Variants in EMC1 observed in about 807,000 individuals in gnomAD.
EMC1 encodes KIAA0090.
EMC1 carries 103 observed loss-of-function variants against 128.8 expected under a neutral mutation model. The ratio of observed to expected loss-of-function variants is 0.80; its 90% CI spans 0.68 to 0.94. The LOEUF is 0.94. Ranked by LOEUF, EMC1 falls within the 40% of genes least tolerant of loss-of-function variation. The pLI, the probability that EMC1 is intolerant of heterozygous loss-of-function variation, is 0.00. For synonymous variants in EMC1, 442 were observed against 490.4 expected (o/e 0.90, Z 1.30); for missense variants, 1,083 against 1,250.6 (o/e 0.87, Z 2.02).
chr1:19,238,196 C>T, intron 10 of EMC1, 57 bp from the exon 11 acceptor site: 3 of 1,591,338 alleles, frequency 1.9e-6, no homozygotes, highest in Non-Finnish European at 2.6e-6. Flanking sequence ...CAAAGCCCAC[C>T]AAAGGAAGTC....
At chr1:19,225,750 T>C (rs1293696956) in intron 18 of EMC1, among the ~76,000 whole-genome samples, 2 of 150,188 alleles carry the variant, frequency 1.3e-5, no homozygotes, top group Non-Finnish European at 3.0e-5. Context: ...GCCCGGGAGG[T>C]CAAAGCTGCA....
rs936657627 is a variant in EMC1 at position 19,242,271 on chromosome 1, G to C, written c.509+74C>G. 1.6e-5 allele frequency: 25 copies of C among 1,543,522 alleles called. No homozygotes were observed. In the East Asian group the frequency reaches 2.7e-4, roughly 17 times the overall value. ...GGCCTGGGTTAAAGCAAATGCTTCGGGTCCCTCGAGGAGAAAGAGGAGCTC... is the reference window on the plus strand; with the variant it reads ...GGCCTGGGTTAAAGCAAATGCTTCGCGTCCCTCGAGGAGAAAGAGGAGCTC... On this transcript the variant is annotated intron_variant, in intron 5 of 22. Transcript: ENST00000477853.
At chr1:19,225,717 G>A (rs2093467597) in intron 18 of EMC1, among the ~76,000 whole-genome samples, 1 of 151,826 alleles carries the variant, frequency 6.6e-6, no homozygotes, top group African/African-American at 2.4e-5. Context: ...TGCTTAGGAG[G>A]CTGAGATGGG....
intron 11 of EMC1, 105 bp from the exon 12 acceptor site, chr1:19,237,343 T>C (rs1178777247): frequency 2.5e-6 from 2 of 790,320 alleles, no homozygotes; most frequent in African/African-American, 3.4e-5. Flanking sequence ...GTACAGGCCA[T>C]GGCATTATTT....
Position 19,223,443 on chromosome 1 carries a change from T to C in EMC1, c.2329A>G (p.Lys777Glu), listed in dbSNP as rs768434578. The C allele has an allele frequency of 6.2e-7, 1 of 1,614,158 alleles. No individual in the cohort carries two copies. Among genetic ancestry groups the C allele is most frequent in the Non-Finnish European group, 8.5e-7 (1 of 1,180,024 alleles). The change falls in exon 19 of 23, where the codon AAA becomes GAA. Residue 777 changes from lysine (K) to glutamate (E), a missense_variant. By Grantham distance (56) the Lys-to-Glu change is moderately conservative (BLOSUM62 1). This residue lies in a region of EMC1 where 527 missense variants were observed against 644.1 expected (regional missense o/e 0.82). Coordinates refer to ENST00000477853, the MANE Select transcript of EMC1 (RefSeq NM_015047.3). ...GRIIHSSVQK[K>E]AKGPVHIVHS... Reference sequence around the variant, plus strand: ...ACGATATGGACAGGGCCTTTGGCTTTCTTCTGCACAGAGGAGTGAATGATA... The same window carrying C: ...ACGATATGGACAGGGCCTTTGGCTTCCTTCTGCACAGAGGAGTGAATGATA...
intron 11 of EMC1, among the ~76,000 whole-genome samples, chr1:19,237,480 C>T (rs12042604): frequency 1.3e-5 from 2 of 152,294 alleles, no homozygotes; most frequent in East Asian, 3.9e-4. Context: ...ACGGGTACCA[C>T]GCCATTCATC....
rs2093387040 is a variant in EMC1, at chr1:19,216,009, A to G, written c.*3294T>C. ...TCGCCTAAAAGCAAAATTTTAAATA[A>G]TTAGGAATCAGGAAATGAGTCTTGG... On this transcript the variant is annotated 3_prime_UTR_variant, in exon 23 of 23. Transcript: ENST00000477853. 1 of 152,138 alleles carries G rather than the reference A, an allele frequency of 6.6e-6. No homozygotes were observed. Among genetic ancestry groups the G allele is most frequent in the African/African-American group, 2.4e-5 (1 of 41,438 alleles). 9.4% of individuals were successfully genotyped at this position (152,138 alleles called of 1,614,324 possible).
In EMC1 at chr1:19,215,871, G is replaced by A. The variant is rs1377366667; in HGVS notation, c.*3432C>T. The A allele has an allele frequency of 6.6e-6, 1 of 151,888 alleles. No individual in the cohort carries two copies. Among genetic ancestry groups the A allele is most frequent in the Non-Finnish European group, 1.5e-5 (1 of 68,000 alleles). The allele number at this position is 151,888 out of a possible 1,614,324, so 9.4% of individuals were successfully genotyped here. Reference sequence around the variant, plus strand: ...ATTTTTTTATTTTTTTGGTAGAGATGGGGTTTCAGGTTTCACCATGTTGGC... The same window carrying A: ...ATTTTTTTATTTTTTTGGTAGAGATAGGGTTTCAGGTTTCACCATGTTGGC... On this transcript the variant is annotated 3_prime_UTR_variant, in exon 23 of 23. Coordinates refer to ENST00000477853, the MANE Select transcript of EMC1 (RefSeq NM_015047.3).
intron 13 of EMC1, chr1:19,234,135 T>C (rs2093545537): frequency 5.1e-6 from 5 of 978,682 alleles, no homozygotes; most frequent in Admixed American, 6.2e-5. Context: ...AAGCTAGCCA[T>C]GTGAGCAGGC....
Position 19,223,567 on chromosome 1 carries a change from G to C in EMC1, c.2205C>G (p.Ser735Arg), listed in dbSNP as rs1378590300. ...CCACGGCCAGCAGGTTGGGGTTCAG[G>C]CTCTGGAGAGAGAGAGAAAACCTCC... ...VMGDRSVLYK[S>R]LNPNLLAVVT... The change falls in exon 19 of 23, where the codon AGC (serine) becomes AGG (arginine). Residue 735 changes from serine to arginine, a missense_variant and splice_region_variant. Coordinates refer to ENST00000477853, the MANE Select transcript of EMC1 (RefSeq NM_015047.3). 6.2e-7 allele frequency: 1 copy of C among 1,613,652 alleles called. No individual in the cohort carries two copies. The highest frequency in any genetic ancestry group is 8.5e-7 in the Non-Finnish European group (1 of 1,179,976).
intron 4 of EMC1, 76 bp from the exon 5 acceptor site, chr1:19,242,549 C>T: frequency 6.6e-7 from 1 of 1,521,384 alleles, no homozygotes; most frequent in South Asian, 1.2e-5. Flanking sequence ...AGAACAGTAC[C>T]CACTGTTGCT....
At position 19,240,909 on chromosome 1, in the gene EMC1, T is replaced by C. The variant is rs1343430045; in HGVS notation, c.636+107A>G. 3 of 1,278,826 alleles carry C rather than the reference T, an allele frequency of 2.3e-6. No individual in the cohort carries two copies. In the East Asian group the frequency reaches 7.0e-5, roughly 30 times the overall value. The allele number at this position is 1,278,826 out of a possible 1,614,324, so 79.2% of individuals were successfully genotyped here. A position where few individuals can be genotyped will look rare whatever the true frequency, so the allele number is the denominator to read the frequency against. On this transcript the variant is annotated intron_variant, in intron 6 of 22. Transcript: ENST00000477853. Reference sequence around the variant, plus strand: ...AGTGACCAGAATGAGGGAGCATAAGTAGCTTTTGCATCTGCCCAGCCAAGT... The same window carrying C: ...AGTGACCAGAATGAGGGAGCATAAGCAGCTTTTGCATCTGCCCAGCCAAGT...
intron 1 of EMC1, among the ~76,000 whole-genome samples, chr1:19,248,621 T>A (rs2093642646): frequency 6.6e-6 from 1 of 151,796 alleles, no homozygotes; most frequent in Non-Finnish European, 1.5e-5. Flanking sequence ...GGTTTCACCA[T>A]GTTGGCCACG....
rs757343866 is a variant in EMC1, at chr1:19,235,248, C to T, written c.1314G>A (p.Gly438=). Residue 438 remains glycine, a synonymous_variant, in exon 13 of 23, where the codon GGG becomes GGA. Transcript: ENST00000477853. The part of the protein sequence containing the change: ...HLLLFLQQLA[G]KVVLWSREES... ...CCTCACGGCTCCACAGCACCACCTTCCCTGCTACAGGAAACATTTTTACAA... is the reference window on the plus strand; with the variant it reads ...CCTCACGGCTCCACAGCACCACCTTTCCTGCTACAGGAAACATTTTTACAA... The T allele has an allele frequency of 1.1e-5, 17 of 1,612,072 alleles. No individual in the cohort carries two copies. Among genetic ancestry groups the T allele is most frequent in the Non-Finnish European group, 1.4e-5 (17 of 1,179,026 alleles).
At position 19,233,049 on chromosome 1, in the gene EMC1, A is replaced by G. The variant is rs1466715878; in HGVS notation, c.1519T>C (p.Tyr507His). The G allele has an allele frequency of 6.2e-7, 1 of 1,614,200 alleles. No homozygotes were observed. The highest frequency in any genetic ancestry group is 1.1e-5 in the South Asian group (1 of 91,088). Residue 507 changes from tyrosine (Y) to histidine (H), a missense_variant, in exon 14 of 23, where the codon TAT becomes CAT. By Grantham distance (83) the Tyr-to-His change is moderately conservative. Transcript: ENST00000477853. ...TGACTCCGGGGCTTCCGAGCATCAT[A>G]AAACATTTTCCAGAGGTGGGAAGTC... Reference protein sequence around the residue: ...AWTSHLWKMFYDARKPRSQIK... With the variant: ...AWTSHLWKMFHDARKPRSQIK...
In EMC1 at chr1:19,222,611, C is replaced by A; in HGVS notation, c.2587+13G>T. 6.2e-7 allele frequency: 1 copy of A among 1,612,322 alleles called. No individual in the cohort carries two copies. The highest frequency in any genetic ancestry group is 8.5e-7 in the Non-Finnish European group (1 of 1,179,346). ...GGGAACCCAGCCATCCCAGAGGCTC[C>A]CCAGTCACTCACTCAGCAGGTGTCG... On this transcript the variant is annotated intron_variant, in intron 20 of 22. Transcript: ENST00000477853.
At position 19,245,022 on chromosome 1, in the gene EMC1, T is replaced by A; in HGVS notation, c.104A>T (p.Gln35Leu). Residue 35 changes from glutamine (Q) to leucine (L), a missense_variant, in exon 2 of 23, where the codon CAA (glutamine) becomes CTA (leucine). This residue lies in a region of EMC1 where 544 missense variants were observed against 572.4 expected (regional missense o/e 0.95). Coordinates refer to ENST00000477853, the MANE Select transcript of EMC1 (RefSeq NM_015047.3). The stretch of plus-strand genomic sequence containing the variant: ...GGCAAACTTGACCTTCCCAACATAT[T>A]GCTGTCTCCTGAGAAAAAAAGAGTA... ...DQVGKFDWRQ[Q>L]YVGKVKFASL... 1 of 1,613,744 alleles carries A rather than the reference T, an allele frequency of 6.2e-7. No individual in the cohort carries two copies. Among genetic ancestry groups the A allele is most frequent in the South Asian group, 1.1e-5 (1 of 91,060 alleles).
intron 10 of EMC1, 39 bp downstream of exon 10, chr1:19,238,756 G>T: frequency 1.4e-6 from 2 of 1,442,946 alleles, no homozygotes; most frequent in Non-Finnish European, 1.9e-6. Flanking sequence ...GGCCTCCTGC[G>T]TCTCTAGGTC....
In EMC1 at chr1:19,223,049, A is replaced by G; in HGVS notation, c.2377-215T>C. ...TCACCACAAAACAAAGGAAATTCTC[A>G]AGAGTCTTAGAAGCCATAATAGTAG... is the stretch of plus-strand genomic sequence containing the variant. On this transcript the variant is annotated intron_variant, in intron 19 of 22. Transcript: ENST00000477853. 5 of 573,324 alleles carry G rather than the reference A, an allele frequency of 8.7e-6. No homozygotes were observed. In the South Asian group the frequency reaches 9.3e-5, roughly 11 times the overall value. The allele number at this position is 573,324 out of a possible 1,614,324, so 35.5% of individuals were successfully genotyped here. A position where few individuals can be genotyped will look rare whatever the true frequency, so the allele number is the denominator to read the frequency against.
Sources: allele counts gnomAD v4.1 joint callset (sites outside exome capture counted in the v4.1 genomes callset), GRCh38; gene constraint gnomAD v4.1.1; regional missense constraint gnomAD v4.1.1; transcripts MANE v1.5; gene names NCBI Gene and HGNC (gene_info 2026-07-23, HGNC 2026-07-21).